ATP6V1C2: variants seen among roughly 807,000 people sequenced by gnomAD.
ATP6V1C2 encodes ATPase H+ transporting V1 subunit C2.
In ATP6V1C2, 45 loss-of-function variants were observed where a neutral mutation model predicts 56.8. The ratio of observed to expected loss-of-function variants is 0.79; its 90% CI spans 0.62 to 1.02. The LOEUF (loss-of-function observed/expected upper bound fraction) is 1.02. Ranked by LOEUF, ATP6V1C2 falls within the 50% of genes least tolerant of loss-of-function variation. The pLI is 0.00. For synonymous variants in ATP6V1C2, 220 were observed against 201.3 expected, an observed-to-expected ratio of 1.09 and a Z score of -0.79; for missense variants, 463 against 519.7, an observed-to-expected ratio of 0.89 and a Z score of 1.06.
At chr2:10,727,893 G>T (rs1661738103) in intron 3 of ATP6V1C2, among the ~76,000 whole-genome samples, 1 of 152,118 alleles carries the variant, frequency 6.6e-6, no homozygotes, top group Non-Finnish European at 1.5e-5. Flanking sequence ...GACAGAGCAA[G>T]ACTCCGTCTC....
intron 3 of ATP6V1C2, among the ~76,000 whole-genome samples, chr2:10,738,999 C>G (rs1280230088): frequency 6.6e-6 from 1 of 152,206 alleles, no homozygotes; most frequent in Non-Finnish European, 1.5e-5. Flanking sequence ...CTCCCGTTTC[C>G]CTTTCATTCA....
chr2:10,729,773 T>A (rs945336847), intron 3 of ATP6V1C2, among the ~76,000 whole-genome samples: 3 of 152,132 alleles, frequency 2.0e-5, no homozygotes, highest in African/African-American at 7.2e-5. Context: ...AAGGATTGCT[T>A]GAGCCCAGGA....
At chr2:10,737,153 G>A (rs1380448719) in intron 3 of ATP6V1C2, among the ~76,000 whole-genome samples, 3 of 151,786 alleles carry the variant, frequency 2.0e-5, no homozygotes, top group Non-Finnish European at 2.9e-5. Flanking sequence ...GGTGGCTCAT[G>A]CCTGTAATTC....
intron 10 of ATP6V1C2, among the ~76,000 whole-genome samples, chr2:10,776,383 G>C (rs1477802500): frequency 6.6e-6 from 1 of 152,162 alleles, no homozygotes; most frequent in Admixed American, 6.5e-5. Context: ...CTGAGCCTGC[G>C]GGGAGGGTGT....
intron 5 of ATP6V1C2, among the ~76,000 whole-genome samples, chr2:10,765,815 G>A (rs1201174450): frequency 6.6e-6 from 1 of 152,212 alleles, no homozygotes; most frequent in Non-Finnish European, 1.5e-5. Flanking sequence ...CTCAGTCCCA[G>A]GGATGCCAGA....
chr2:10,754,570 TTC>T (rs1558405060), intron 4 of ATP6V1C2, among the ~76,000 whole-genome samples: 2 of 143,800 alleles, frequency 1.4e-5, no homozygotes, highest in African/African-American at 5.5e-5. Context: ...TTCTTTTCTT[TTC>T]TTTTCTTTTC....
At chr2:10,754,402 T>C (rs976400363) in intron 4 of ATP6V1C2, among the ~76,000 whole-genome samples, 1 of 151,550 alleles carries the variant, frequency 6.6e-6, no homozygotes, top group African/African-American at 2.4e-5. Flanking sequence ...ATTTTTGTAT[T>C]TTTAGTAGAG....
At chr2:10,749,755 C>A (rs1055468873) in intron 3 of ATP6V1C2, among the ~76,000 whole-genome samples, 1 of 152,020 alleles carries the variant, frequency 6.6e-6, no homozygotes, top group Non-Finnish European at 1.5e-5. Context: ...TGTTTTTTAA[C>A]AAAGTTCAGT....
intron 4 of ATP6V1C2, chr2:10,757,321 C>T (rs1663616181): frequency 5.1e-6 from 2 of 395,492 alleles, no homozygotes; most frequent in East Asian, 3.6e-5. Flanking sequence ...CCAGAGGAGA[C>T]TTTATTTGGC....
chr2:10,728,368 C>T (rs1278357434), intron 3 of ATP6V1C2, among the ~76,000 whole-genome samples: 1 of 152,152 alleles, frequency 6.6e-6, no homozygotes, highest in Non-Finnish European at 1.5e-5. Context: ...ACAGATGTGA[C>T]TCACCACATT....
intron 3 of ATP6V1C2, among the ~76,000 whole-genome samples, chr2:10,743,910 G>A (rs181985512): frequency 1.9e-4 from 29 of 151,618 alleles, no homozygotes; most frequent in Non-Finnish European, 3.5e-4. Flanking sequence ...GCTGGAACCC[G>A]GAGGCGGAGG....
Position 10,782,229 on chromosome 2 carries a change from G to GTCTA in ATP6V1C2, c.1062-10_1062-7dup, listed in dbSNP as rs780103466. ...TTGGAGCAGTGAACTGACACATTTTGTCTATCTGAAAAGGTATGGACTACC... is the reference window on the plus strand; with the variant it reads ...TTGGAGCAGTGAACTGACACATTTTGTCTATCTATCTGAAAAGGTATGGACTACC... On this transcript the variant is annotated splice_polypyrimidine_tract_variant and intron_variant, in intron 12 of 13. Coordinates refer to ENST00000272238, the MANE Select transcript of ATP6V1C2 (RefSeq NM_001039362.2). 3 of 1,613,530 alleles carry GTCTA rather than the reference G, an allele frequency of 1.9e-6. No homozygotes were observed.
intron 8 of ATP6V1C2, 58 bp from the exon 9 acceptor site, chr2:10,774,730 C>T: frequency 6.6e-7 from 1 of 1,516,446 alleles, no homozygotes; most frequent in Non-Finnish European, 9.1e-7. Flanking sequence ...GCCTCTGAGC[C>T]CCACTCCCGC....
chr2:10,771,924 G>C lies in ATP6V1C2; in HGVS notation c.556G>C (p.Val186Leu). 1 of 1,614,004 alleles carries C rather than the reference G, an allele frequency of 6.2e-7. No homozygotes were observed. Among genetic ancestry groups the C allele is most frequent in the Non-Finnish European group, 8.5e-7 (1 of 1,179,908 alleles). ...LDSEYLVTLL[V>L]IVPKPNYSQW... Reference sequence around the variant, plus strand: ...TTCTGAATATCTCGTCACACTTCTGGTCATCGTCCCCAAGTGAGTGCTGGG... The same window carrying C: ...TTCTGAATATCTCGTCACACTTCTGCTCATCGTCCCCAAGTGAGTGCTGGG... The change falls in exon 7 of 14, where the codon GTC (valine) becomes CTC (leucine). Residue 186 changes from valine (V) to leucine (L), a missense_variant. Physicochemically the swap from Val to Leu is conservative, Grantham distance 32. Coordinates refer to ENST00000272238, the MANE Select transcript of ATP6V1C2 (RefSeq NM_001039362.2).
At position 10,763,294 on chromosome 2, in the gene ATP6V1C2, C is replaced by A. The variant is rs1664030466; in HGVS notation, c.284-1037C>A. Among the ~76,000 whole-genome samples, 1 of 152,152 alleles carries A rather than the reference C, an allele frequency of 6.6e-6. No individual in the cohort carries two copies. Among genetic ancestry groups the A allele is most frequent in the Admixed American group, 6.5e-5 (1 of 15,274 alleles). ...CTTCCCCTTAGCCTCCACGTGAATACCATGTCTGTGTCCCAGTGAAGGGAC... is the reference window on the plus strand; with the variant it reads ...CTTCCCCTTAGCCTCCACGTGAATAACATGTCTGTGTCCCAGTGAAGGGAC... On this transcript the variant is annotated intron_variant, in intron 4 of 13. Coordinates refer to ENST00000272238, the MANE Select transcript of ATP6V1C2 (RefSeq NM_001039362.2). The surrounding 1 kb of genome is among the most constrained non-coding windows in gnomAD (Gnocchi z 4.2).
chr2:10,784,530 C>T lies in ATP6V1C2; in HGVS notation c.*1267C>T, dbSNP rs1164092382. On this transcript the variant is annotated 3_prime_UTR_variant, in exon 14 of 14. Transcript: ENST00000272238. ...ACTCAGGTGAAACATTTCAACATCA[C>T]ATCACTCACCATTTTAACACTGGAA... 5 of 536,294 alleles carry T rather than the reference C, an allele frequency of 9.3e-6. No homozygotes were observed. Among genetic ancestry groups the T allele is most frequent in the Non-Finnish European group, 1.6e-5 (5 of 308,136 alleles). 33.2% of individuals were successfully genotyped at this position (536,294 alleles called of 1,614,324 possible).
chr2:10,754,704 C>T (rs13414168), intron 4 of ATP6V1C2, among the ~76,000 whole-genome samples: 4 of 152,062 alleles, frequency 2.6e-5, no homozygotes, highest in Non-Finnish European at 5.9e-5. Context: ...TCCCAAGTAG[C>T]TGGGACAACA....
At chr2:10,747,190 C>T (rs1662963886) in intron 3 of ATP6V1C2, among the ~76,000 whole-genome samples, 1 of 152,092 alleles carries the variant, frequency 6.6e-6, no homozygotes, top group Non-Finnish European at 1.5e-5. Flanking sequence ...ATTGCTTGAA[C>T]CCGGGAGGTG....
At position 10,782,261 on chromosome 2, in the gene ATP6V1C2, C is replaced by T. The variant is rs774942005; in HGVS notation, c.1080C>T (p.Asn360=). 10 of 1,614,190 alleles carry T rather than the reference C, an allele frequency of 6.2e-6. No homozygotes were observed. Among genetic ancestry groups the T allele is most frequent in the Middle Eastern group, 1.6e-4 (1 of 6,062 alleles). ...ESVLRYGLPV[N]FQAVLLQPHK... ...TGAAAAGGTATGGACTACCAGTGAA[C>T]TTCCAGGCAGTGCTCCTGCAGCCGC... Residue 360 remains asparagine, a synonymous_variant, in exon 13 of 14, where the codon AAC becomes AAT. Coordinates refer to ENST00000272238, the MANE Select transcript of ATP6V1C2 (RefSeq NM_001039362.2).
Sources: allele counts gnomAD v4.1 joint callset (sites outside exome capture counted in the v4.1 genomes callset), GRCh38; gene constraint gnomAD v4.1.1; non-coding constraint Gnocchi (gnomAD v3.1); transcripts MANE v1.5; gene names NCBI Gene and HGNC (gene_info 2026-07-23, HGNC 2026-07-21).